Variants in VOPP1 observed in about 807,000 individuals in gnomAD.
VOPP1 encodes the protein VOPP1 WW domain binding protein, also known as WW domain binding protein VOPP1.
In VOPP1, 8 loss-of-function variants were observed where a neutral mutation model predicts 23.5. The ratio of observed to expected loss-of-function variants is 0.34; its 90% CI spans 0.20 to 0.61. VOPP1 has a LOEUF of 0.61. VOPP1 is among the 20% of genes least tolerant of loss of function. The pLI is 0.78. For synonymous variants in VOPP1, 83 were observed against 97.3 expected, an observed-to-expected ratio of 0.85 and a Z score of 0.86; for missense variants, 174 against 238.1, an observed-to-expected ratio of 0.73 and a Z score of 1.77.
intron 4 of VOPP1, among the ~76,000 whole-genome samples, chr7:55,447,440 C>G (rs1791129499): frequency 6.6e-6 from 1 of 152,144 alleles, no homozygotes; most frequent in Non-Finnish European, 1.5e-5. Flanking sequence ...GGTTCAAACA[C>G]TTAAACAATA....
intron 4 of VOPP1, among the ~76,000 whole-genome samples, chr7:55,485,792 A>T (rs920842960): frequency 1.3e-5 from 2 of 152,242 alleles, no homozygotes; most frequent in African/African-American, 4.8e-5. Context: ...ACCTCATTGC[A>T]ACAAGGGACC....
intron 2 of VOPP1, among the ~76,000 whole-genome samples, chr7:55,517,774 T>A (rs781571991): frequency 2.0e-5 from 3 of 152,002 alleles, no homozygotes; most frequent in African/African-American, 2.4e-5. Flanking sequence ...CTGGATGGAG[T>A]AGAATATAGC....
intron 4 of VOPP1, among the ~76,000 whole-genome samples, chr7:55,453,198 C>A (rs575182389): frequency 6.6e-6 from 1 of 152,352 alleles, no homozygotes; most frequent in East Asian, 1.9e-4. Flanking sequence ...CATAAACCAA[C>A]CTCTGCTAGC....
At chr7:55,496,792 T>C (rs1420013746) in intron 3 of VOPP1, among the ~76,000 whole-genome samples, 1 of 152,196 alleles carries the variant, frequency 6.6e-6, no homozygotes, top group African/African-American at 2.4e-5. Flanking sequence ...AAAAGGTCAG[T>C]AAAGTCAAAA....
At chr7:55,462,942 AC>A (rs1381831508) in intron 4 of VOPP1, among the ~76,000 whole-genome samples, 1 of 151,286 alleles carries the variant, frequency 6.6e-6, no homozygotes, top group Non-Finnish European at 1.5e-5. Context: ...CATTCATTGA[AC>A]CCTTCAGTCC....
At position 55,471,538 on chromosome 7, in the gene VOPP1, C is replaced by T. The variant is rs950878435; in HGVS notation, c.*1317G>A. 6 of 151,176 alleles carry T rather than the reference C, an allele frequency of 4.0e-5. No individual in the cohort carries two copies. The highest frequency in any genetic ancestry group is 8.9e-5 in the Non-Finnish European group (6 of 67,580). 9.4% of individuals were successfully genotyped at this position (151,176 alleles called of 1,614,324 possible). A position where few individuals can be genotyped will look rare whatever the true frequency, so the allele number is the denominator to read the frequency against. ...TACAGCACATCTAGTAATCTAGGCG[C>T]CTCAGCTAAGCTGCATAGCTCTTAG... On this transcript the variant is annotated 3_prime_UTR_variant, in exon 5 of 5. Transcript: ENST00000285279.
chr7:55,497,829 C>T, intron 2 of VOPP1, 139 bp from the exon 3 acceptor site: 2 of 703,404 alleles, frequency 2.8e-6, no homozygotes, highest in East Asian at 2.7e-5. Context: ...ACTGCCTCCA[C>T]TGCATTTCAC....
intron 1 of VOPP1, among the ~76,000 whole-genome samples, chr7:55,569,000 C>A (rs1399612482): frequency 6.6e-6 from 1 of 152,202 alleles, no homozygotes. Context: ...CTCTTAGCCA[C>A]CCTTAGAATC....
intron 4 of VOPP1, among the ~76,000 whole-genome samples, chr7:55,488,091 G>A (rs997566963): frequency 4.6e-5 from 7 of 152,186 alleles, no homozygotes; most frequent in African/African-American, 1.7e-4. Flanking sequence ...ATATTGGTGG[G>A]ACCCTGCCAG....
At chr7:55,536,147 C>A (rs566313048) in intron 1 of VOPP1, among the ~76,000 whole-genome samples, 1 of 152,338 alleles carries the variant, frequency 6.6e-6, no homozygotes, top group Non-Finnish European at 1.5e-5. Context: ...ACTTCCTTCT[C>A]TGCCTGCTCA....
intron 1 of VOPP1, among the ~76,000 whole-genome samples, chr7:55,551,908 C>T (rs984269560): frequency 2.6e-5 from 4 of 150,954 alleles, no homozygotes; most frequent in African/African-American, 9.8e-5. Context: ...CACATGGTGG[C>T]GCATGCCTAT....
intron 1 of VOPP1, among the ~76,000 whole-genome samples, chr7:55,523,535 C>T (rs1796000064): frequency 6.6e-6 from 1 of 152,316 alleles, no homozygotes; most frequent in Non-Finnish European, 1.5e-5. Flanking sequence ...CTGAAACTGC[C>T]TGCCCTGACT....
At chr7:55,522,105 T>G (rs1198367237) in intron 1 of VOPP1, among the ~76,000 whole-genome samples, 9 of 152,126 alleles carry the variant, frequency 5.9e-5, no homozygotes, top group Admixed American at 5.9e-4. Context: ...CCAAAGCCCC[T>G]CCTCCGGTGG....
chr7:55,454,670 A>C (rs1348164678), intron 4 of VOPP1, among the ~76,000 whole-genome samples: 1 of 152,206 alleles, frequency 6.6e-6, no homozygotes, highest in African/African-American at 2.4e-5. Flanking sequence ...AACATAATAC[A>C]TTACATAAAG....
intron 4 of VOPP1, among the ~76,000 whole-genome samples, chr7:55,482,443 G>A (rs1792799233): frequency 6.8e-6 from 1 of 148,112 alleles, no homozygotes; most frequent in Admixed American, 6.7e-5. Flanking sequence ...TGCCTCCCGA[G>A]TAGCTGGGAC....
chr7:55,552,579 C>T (rs1313606873), intron 1 of VOPP1: 55 of 1,534,836 alleles, frequency 3.6e-5, no homozygotes, highest in Non-Finnish European at 4.2e-5. Flanking sequence ...TCTAGGAAAA[C>T]GCTAAGTGAT....
intron 3 of VOPP1, among the ~76,000 whole-genome samples, chr7:55,493,901 T>C (rs1793759493): frequency 1.3e-5 from 2 of 152,236 alleles, no homozygotes; most frequent in Non-Finnish European, 2.9e-5. Context: ...ACCAAGAGGT[T>C]TGAACAAGGG....
At chr7:55,443,583 C>T (rs1791021807) in intron 4 of VOPP1, among the ~76,000 whole-genome samples, 1 of 151,040 alleles carries the variant, frequency 6.6e-6, no homozygotes, top group South Asian at 2.1e-4. Context: ...AACAAACAAA[C>T]AGAAAACAGA....
At chr7:55,533,157 T>A (rs1253168751) in intron 1 of VOPP1, among the ~76,000 whole-genome samples, 2 of 152,176 alleles carry the variant, frequency 1.3e-5, no homozygotes, top group Non-Finnish European at 2.9e-5. Context: ...ATCAACTCAA[T>A]CATTTCTGTT....
Sources: allele counts gnomAD v4.1 joint callset (sites outside exome capture counted in the v4.1 genomes callset), GRCh38; gene constraint gnomAD v4.1.1; transcripts MANE v1.5; gene names NCBI Gene and HGNC (gene_info 2026-07-23, HGNC 2026-07-21).